The following GRM1 variants were observed in gnomAD, a reference collection of about 807,000 sequenced individuals.
The protein encoded by GRM1 is metabotropic glutamate receptor 1.
A neutral mutation model predicts 90.9 loss-of-function variants in GRM1; 33 were observed. The ratio of observed to expected loss-of-function variants is 0.36; its 90% CI spans 0.28 to 0.49. The LOEUF (loss-of-function observed/expected upper bound fraction) is 0.49. Among genes scored for constraint, GRM1 ranks in the 20% least tolerant of loss-of-function variants. The pLI, the probability that GRM1 is intolerant of heterozygous loss-of-function variation, is 0.99. For missense variants in GRM1, 1,190 were observed against 1,534.3 expected (o/e 0.78, Z 3.75); for synonymous variants, 700 against 613.2 (o/e 1.14, Z -2.09).
intron 1 of GRM1, among the ~76,000 whole-genome samples, chr6:146,033,790 T>G (rs1330973995): frequency 6.6e-6 from 1 of 152,046 alleles, no homozygotes; most frequent in Non-Finnish European, 1.5e-5. Flanking sequence ...TACTTTTTTA[T>G]TTGATATAAA....
chr6:146,344,834 G>A (rs139265323), intron 3 of GRM1, among the ~76,000 whole-genome samples: 3,139 of 151,102 alleles, frequency 0.021, 49 homozygotes, highest in South Asian at 0.025. Flanking sequence ...TTTTTGAGAC[G>A]GAGTTTCACT....
intron 2 of GRM1, among the ~76,000 whole-genome samples, chr6:146,294,153 T>G (rs2114894640): frequency 6.6e-6 from 1 of 151,934 alleles, no homozygotes; most frequent in South Asian, 2.1e-4. Flanking sequence ...TTCTATTTTC[T>G]TAAGTTGAAA....
chr6:146,392,383 C>T (rs1268912596), intron 6 of GRM1, among the ~76,000 whole-genome samples: 2 of 152,084 alleles, frequency 1.3e-5, no homozygotes, highest in African/African-American at 2.4e-5. Context: ...CTGTCTTTCT[C>T]GCACCGTATT....
chr6:146,292,121 C>A (rs1240953810), intron 2 of GRM1, among the ~76,000 whole-genome samples: 1 of 151,850 alleles, frequency 6.6e-6, no homozygotes, highest in Non-Finnish European at 1.5e-5. Context: ...AATGCTGGAC[C>A]CTTCCCTCAC....
intron 2 of GRM1, among the ~76,000 whole-genome samples, chr6:146,256,216 C>G (rs947299008): frequency 6.6e-6 from 1 of 152,136 alleles, no homozygotes; most frequent in Non-Finnish European, 1.5e-5. Context: ...AATAATAGAG[C>G]CCATATCCTA....
chr6:146,045,429 A>T (rs1033164247), intron 1 of GRM1, among the ~76,000 whole-genome samples: 4 of 151,940 alleles, frequency 2.6e-5, no homozygotes. Context: ...TGTTTCATTC[A>T]CTGATATTTT....
chr6:146,177,801 T>A (rs1186872051), intron 2 of GRM1, among the ~76,000 whole-genome samples: 3 of 152,140 alleles, frequency 2.0e-5, no homozygotes, highest in African/African-American at 7.2e-5. Context: ...AATCTCATAG[T>A]CATATAAGCA....
At chr6:146,418,275 T>C (rs1777858464) in intron 7 of GRM1, among the ~76,000 whole-genome samples, 1 of 152,012 alleles carries the variant, frequency 6.6e-6, no homozygotes, top group Admixed American at 6.6e-5. Flanking sequence ...CAGCCCCATA[T>C]AGTATCTTAG....
At chr6:146,162,350 C>T (rs1218817324) in intron 2 of GRM1, among the ~76,000 whole-genome samples, 4 of 152,122 alleles carry the variant, frequency 2.6e-5, no homozygotes, top group Non-Finnish European at 5.9e-5. Flanking sequence ...GACCTACATG[C>T]CCTCGTCTCC....
chr6:146,398,660 G>A (rs1360675502), intron 6 of GRM1, 109 bp from the exon 7 acceptor site: 2 of 825,732 alleles, frequency 2.4e-6, no homozygotes, highest in East Asian at 2.4e-5. Context: ...ATTAAATGCT[G>A]TAAATCATGA....
At chr6:146,119,653 A>G (rs959036481) in intron 1 of GRM1, among the ~76,000 whole-genome samples, 2 of 152,310 alleles carry the variant, frequency 1.3e-5, no homozygotes, top group Non-Finnish European at 1.5e-5. Context: ...TCAGCTTTCT[A>G]CATATGATTA....
chr6:146,152,619 T>C (rs1216144521), intron 1 of GRM1, among the ~76,000 whole-genome samples: 2 of 152,084 alleles, frequency 1.3e-5, no homozygotes, highest in African/African-American at 4.8e-5. Context: ...AAAAGAGGGG[T>C]TATAACTTCT....
intron 2 of GRM1, among the ~76,000 whole-genome samples, chr6:146,300,853 A>T (rs1783353031): frequency 6.6e-6 from 1 of 152,204 alleles, no homozygotes; most frequent in Non-Finnish European, 1.5e-5. Flanking sequence ...CTCTACCAGG[A>T]ATCAGATATG....
At chr6:146,036,474 A>G (rs531317432) in intron 1 of GRM1, among the ~76,000 whole-genome samples, 1 of 152,046 alleles carries the variant, frequency 6.6e-6, no homozygotes, top group Non-Finnish European at 1.5e-5. Context: ...ATATAGAAAT[A>G]TTTGCTACTT....
intron 1 of GRM1, among the ~76,000 whole-genome samples, chr6:146,080,442 T>C (rs1776325758): frequency 6.6e-6 from 1 of 152,138 alleles, no homozygotes; most frequent in African/African-American, 2.4e-5. Context: ...AGACAGGATG[T>C]AAAAATACAC....
chr6:146,335,510 T>C (rs1280379975), intron 3 of GRM1, among the ~76,000 whole-genome samples: 1 of 152,198 alleles, frequency 6.6e-6, no homozygotes, highest in Non-Finnish European at 1.5e-5. Flanking sequence ...AAATACACAT[T>C]CAGTCTCAAC....
In GRM1 at chr6:146,388,526, T is replaced by C. The variant is rs570120748; in HGVS notation, c.1729+1510T>C. ...ATACCTTGTAAAATGTTAATTTTGT[T>C]AGAAAAAAGTTAAACTGAGCAGCAG... On this transcript the variant is annotated intron_variant, in intron 6 of 7. Transcript: ENST00000282753. Among the ~76,000 whole-genome samples the C allele has an allele frequency of 2.0e-5, 3 of 152,210 alleles. No individual in the cohort carries two copies. The East Asian group carries it at 5.8e-4, about 29-fold the overall frequency.
chr6:146,247,075 A>G (rs1367617397), intron 2 of GRM1, among the ~76,000 whole-genome samples: 1 of 152,194 alleles, frequency 6.6e-6, no homozygotes, highest in African/African-American at 2.4e-5. Flanking sequence ...GCTCCCATGC[A>G]ATATACTTCC....
At chr6:146,369,072 A>T (rs1237141103) in intron 5 of GRM1, among the ~76,000 whole-genome samples, 1 of 151,838 alleles carries the variant, frequency 6.6e-6, no homozygotes, top group Non-Finnish European at 1.5e-5. Context: ...GTTCAATCTC[A>T]GTAGGTTATA....
Sources: gnomAD v4.1 joint callset for allele counts (sites outside exome capture counted in the v4.1 genomes callset) on GRCh38, gnomAD v4.1.1 for gene constraint, MANE v1.5 for transcripts, NCBI Gene and HGNC (gene_info 2026-07-23, HGNC 2026-07-21) for gene names.